NLGN1: variants seen among roughly 807,000 people sequenced by gnomAD.
NLGN1 encodes the protein neuroligin 1, also known as neuroligin-1.
Under a neutral mutation model 65.5 loss-of-function variants are expected in NLGN1, and 12 were observed. The observed-to-expected ratio is 0.18, with a 90% CI of 0.12 to 0.30. NLGN1 has a LOEUF of 0.30. Ranked by LOEUF, NLGN1 falls within the 10% of genes least tolerant of loss-of-function variation. The probability of loss-of-function intolerance (pLI) is 1.00; values close to 1 mark genes in which losing one functional copy is unlikely to be tolerated. For synonymous variants in NLGN1, 350 were observed against 359.5 expected, an observed-to-expected ratio of 0.97 and a Z score of 0.30; for missense variants, 750 against 1,007.1, an observed-to-expected ratio of 0.74 and a Z score of 3.46.
At chr3:173,747,063 C>T (rs1184715901) in intron 3 of NLGN1, among the ~76,000 whole-genome samples, 5,051 of 29,992 alleles carry the variant, frequency 0.17, 282 homozygotes, top group East Asian at 0.35. Flanking sequence ...TATATATACA[C>T]ACACACACAC....
intron 4 of NLGN1, among the ~76,000 whole-genome samples, chr3:174,098,207 G>C (rs1229241835): frequency 1.3e-5 from 2 of 152,184 alleles, no homozygotes; most frequent in Non-Finnish European, 2.9e-5. Context: ...TTTCCTTTGA[G>C]AGTTTCATTT....
chr3:173,535,767 G>GT (rs1182738801), intron 2 of NLGN1, among the ~76,000 whole-genome samples: 3 of 152,116 alleles, frequency 2.0e-5, no homozygotes, highest in Non-Finnish European at 4.4e-5. Flanking sequence ...CAAGCCTTTG[G>GT]TTTTCTGTTG....
intron 2 of NLGN1, among the ~76,000 whole-genome samples, chr3:173,579,134 C>G (rs184036750): frequency 6.6e-6 from 1 of 152,288 alleles, no homozygotes; most frequent in Admixed American, 6.5e-5. Flanking sequence ...TTTAGCATCT[C>G]TAACCAACAT....
intron 2 of NLGN1, among the ~76,000 whole-genome samples, chr3:173,497,084 C>T (rs1730148230): frequency 6.6e-6 from 1 of 151,862 alleles, no homozygotes; most frequent in Non-Finnish European, 1.5e-5. Context: ...CCATTGTTTT[C>T]TCAGATATCC....
chr3:173,603,068 A>G (rs1161711671), intron 2 of NLGN1, among the ~76,000 whole-genome samples: 4 of 152,136 alleles, frequency 2.6e-5, no homozygotes, highest in African/African-American at 9.6e-5. Flanking sequence ...TGCCCTATAT[A>G]GTTTTTACAA....
rs1220757232 is a variant in NLGN1, at chr3:173,728,580, T to A, written c.494-79100T>A. Among the ~76,000 whole-genome samples, 3 of 152,128 alleles carry A rather than the reference T, an allele frequency of 2.0e-5. No individual in the cohort carries two copies. In the East Asian group the frequency reaches 5.8e-4, roughly 29 times the overall value. Reference sequence around the variant, plus strand: ...GTGACCTTATTTGAAAATTGGGTCTTTTAAGATGTACTTAGTTCAGATGAG... The same window carrying A: ...GTGACCTTATTTGAAAATTGGGTCTATTAAGATGTACTTAGTTCAGATGAG... On this transcript the variant is annotated intron_variant, in intron 3 of 6. Coordinates refer to ENST00000457714, the Ensembl canonical transcript of NLGN1.
intron 4 of NLGN1, among the ~76,000 whole-genome samples, chr3:173,826,564 T>C (rs1721375280): frequency 6.6e-6 from 1 of 152,132 alleles, no homozygotes. Context: ...AAGTTCCTTA[T>C]AAATAGTTTT....
rs574881840 is a variant in NLGN1, at chr3:173,424,952, A to G, written c.-389-10058A>G. Among the ~76,000 whole-genome samples the G allele has an allele frequency of 3.9e-5, 6 of 152,284 alleles. No individual in the cohort carries two copies. In the South Asian group the frequency reaches 1.2e-3, roughly 32 times the overall value. Reference sequence around the variant, plus strand: ...TGTATTAGTCCATTCTCACACTTCTATAAAGATACTACCTGAGACTGGGTA... The same window carrying G: ...TGTATTAGTCCATTCTCACACTTCTGTAAAGATACTACCTGAGACTGGGTA... On this transcript the variant is annotated intron_variant, in intron 1 of 6. Coordinates refer to ENST00000457714, the Ensembl canonical transcript of NLGN1.
chr3:173,751,910 T>C (rs1032130438), intron 3 of NLGN1, among the ~76,000 whole-genome samples: 1 of 152,096 alleles, frequency 6.6e-6, no homozygotes, highest in Non-Finnish European at 1.5e-5. Flanking sequence ...CTTGACTCAA[T>C]TGACACATCT....
chr3:174,173,881 T>C (rs1728985736), intron 4 of NLGN1, among the ~76,000 whole-genome samples: 1 of 152,026 alleles, frequency 6.6e-6, no homozygotes, highest in African/African-American at 2.4e-5. Context: ...GTTACATGAG[T>C]AAGTTATTTA....
chr3:174,252,196 C>T (rs181677309), intron 4 of NLGN1, among the ~76,000 whole-genome samples: 322 of 151,988 alleles, frequency 2.1e-3, no homozygotes, highest in Middle Eastern at 6.8e-3. Context: ...CATAAAGAAA[C>T]GGATTTTTGC....
chr3:173,442,392 T>C (rs1719368582), intron 2 of NLGN1, among the ~76,000 whole-genome samples: 1 of 152,180 alleles, frequency 6.6e-6, no homozygotes, highest in Non-Finnish European at 1.5e-5. Flanking sequence ...TACAGTTAAA[T>C]TGGTTTCATC....
At chr3:173,681,343 T>TA (rs1449143609) in intron 3 of NLGN1, among the ~76,000 whole-genome samples, 2 of 152,246 alleles carry the variant, frequency 1.3e-5, no homozygotes, top group Non-Finnish European at 2.9e-5. Flanking sequence ...AATTGACTGT[T>TA]AGCTGTTCTC....
chr3:174,096,014 T>C (rs1389930965), intron 4 of NLGN1, among the ~76,000 whole-genome samples: 1 of 151,040 alleles, frequency 6.6e-6, no homozygotes, highest in Non-Finnish European at 1.5e-5. Flanking sequence ...AATAAATAAA[T>C]AAATAAAAAG....
chr3:173,445,338 G>A (rs1261692588), intron 2 of NLGN1, among the ~76,000 whole-genome samples: 2 of 151,420 alleles, frequency 1.3e-5, no homozygotes, highest in Admixed American at 1.3e-4. Context: ...CTGTCAGTTG[G>A]TGTCTTTTGT....
intron 3 of NLGN1, among the ~76,000 whole-genome samples, chr3:173,630,022 A>G (rs750995793): frequency 1.4e-4 from 22 of 152,314 alleles, no homozygotes; most frequent in Admixed American, 3.3e-4. Flanking sequence ...TATTTTACAG[A>G]CAAAGGAAAG....
At chr3:174,225,601 G>A (rs889412811) in intron 4 of NLGN1, among the ~76,000 whole-genome samples, 1 of 152,106 alleles carries the variant, frequency 6.6e-6, no homozygotes, top group African/African-American at 2.4e-5. Flanking sequence ...CGTGGTGGCG[G>A]GCGCCTGTAG....
chr3:174,169,743 C>T (rs1034173674), intron 4 of NLGN1, among the ~76,000 whole-genome samples: 4 of 152,098 alleles, frequency 2.6e-5, no homozygotes, highest in Admixed American at 6.6e-5. Context: ...GCCTGGGCTA[C>T]GAGTCTCACC....
chr3:173,795,001 T>A (rs1281235288), intron 3 of NLGN1, among the ~76,000 whole-genome samples: 1 of 152,150 alleles, frequency 6.6e-6, no homozygotes, highest in Non-Finnish European at 1.5e-5. Flanking sequence ...GTTGTGCTCT[T>A]ACCTCTGAAA....
Sources: allele counts gnomAD v4.1 joint callset (sites outside exome capture counted in the v4.1 genomes callset), GRCh38; gene constraint gnomAD v4.1.1; transcripts MANE v1.5; gene names NCBI Gene and HGNC (gene_info 2026-07-23, HGNC 2026-07-21).